Variants in DRG1 observed in about 807,000 individuals in gnomAD.
DRG1 encodes developmentally regulated GTP binding protein 1.
Under a neutral mutation model 38.8 loss-of-function variants are expected in DRG1, and 19 were observed. The observed-to-expected ratio is 0.49, with a 90% CI of 0.34 to 0.72. The LOEUF is 0.72. Ranked by LOEUF, DRG1 falls within the 30% of genes least tolerant of loss-of-function variation. The probability of loss-of-function intolerance (pLI) is 0.01; values close to 1 mark genes in which losing one functional copy is unlikely to be tolerated. For synonymous variants in DRG1, 167 were observed against 157.5 expected, an observed-to-expected ratio of 1.06 and a Z score of -0.45; for missense variants, 299 against 444.8, an observed-to-expected ratio of 0.67 and a Z score of 2.95.
Position 31,411,074 on chromosome 22 carries a change from C to A in DRG1, c.405C>A (p.Val135=). The stretch of plus-strand genomic sequence containing the variant: ...ATGGGAAAGGTAGAGGTCGTCAAGT[C>A]ATTGCAGGTGAGTGGTTTAAGTGCC... ...AKDGKGRGRQ[V]IAVARTCNLI... Residue 135 remains valine, a synonymous_variant, in exon 4 of 9, where the codon GTC becomes GTA. Coordinates refer to ENST00000331457, the MANE Select transcript of DRG1 (RefSeq NM_004147.4). 6.2e-7 allele frequency: 1 copy of A among 1,613,728 alleles called. No homozygotes were observed. The highest frequency in any genetic ancestry group is 1.1e-5 in the South Asian group (1 of 91,038).
rs577805144 is a variant in DRG1, at chr22:31,430,679, G to A, written c.1005-3193G>A. On this transcript the variant is annotated intron_variant, in intron 8 of 8. Transcript: ENST00000331457. ...CTCTCAAAGTGCTGGGATTACAGGC[G>A]TGAGCCATCATGCCCGGCCACTACA... is the stretch of plus-strand genomic sequence containing the variant. Among the ~76,000 whole-genome samples, 254 of 151,894 alleles carry A rather than the reference G, an allele frequency of 1.7e-3. 2 individuals are homozygous for A. Among genetic ancestry groups the A allele is most frequent in the African/African-American group, 5.9e-3 (246 of 41,432 alleles).
Position 31,423,387 on chromosome 22 carries a change from C to T in DRG1, c.690C>T (p.Leu230=). ...TLRSDATADD[L]IDVVEGNRVY... ...GTAGTGATGCTACAGCTGATGACCT[C>T]ATTGATGTGGTGGAAGGAAACAGGT... is the stretch of plus-strand genomic sequence containing the variant. The change falls in exon 6 of 9, where the codon CTC becomes CTT. Residue 230 remains leucine, a synonymous_variant. Coordinates refer to ENST00000331457, the MANE Select transcript of DRG1 (RefSeq NM_004147.4). The T allele has an allele frequency of 6.2e-7, 1 of 1,614,070 alleles. No homozygotes were observed. The highest frequency in any genetic ancestry group is 8.5e-7 in the Non-Finnish European group (1 of 1,180,036).
At chr22:31,419,293 ACT>A (rs1408730413) in intron 4 of DRG1, among the ~76,000 whole-genome samples, 1 of 151,646 alleles carries the variant, frequency 6.6e-6, no homozygotes, top group Non-Finnish European at 1.5e-5. Context: ...ATAGAGCGAG[ACT>A]CTGTCTCTGT....
intron 6 of DRG1, among the ~76,000 whole-genome samples, 190 bp downstream of exon 6, chr22:31,423,600 C>T (rs548654841): frequency 2.5e-4 from 37 of 146,000 alleles, no homozygotes; most frequent in Admixed American, 9.8e-4. Flanking sequence ...GATCTCAGCT[C>T]ACTGCAAGCT....
chr22:31,426,978 C>CA, intron 7 of DRG1, 82 bp from the exon 8 acceptor site: 1 of 1,582,850 alleles, frequency 6.3e-7, no homozygotes, highest in African/African-American at 1.3e-5. Context: ...GGTCTGATGT[C>CA]AGGGGTGATG....
chr22:31,420,901 AAGT>A (rs1227827814), intron 5 of DRG1, among the ~76,000 whole-genome samples: 2 of 152,216 alleles, frequency 1.3e-5, no homozygotes, highest in African/African-American at 4.8e-5. Context: ...TAAGAACACA[AAGT>A]AGGGAAAGGA....
At chr22:31,411,657 G>A (rs954917845) in intron 4 of DRG1, among the ~76,000 whole-genome samples, 2 of 151,248 alleles carry the variant, frequency 1.3e-5, no homozygotes, top group Non-Finnish European at 2.9e-5. Context: ...AGCCTCCCAG[G>A]TAGCAGGGAC....
At chr22:31,407,164 ATT>A (rs2049993466) in intron 3 of DRG1, among the ~76,000 whole-genome samples, 1 of 152,062 alleles carries the variant, frequency 6.6e-6, no homozygotes, top group Non-Finnish European at 1.5e-5. Flanking sequence ...TCCTCCATCA[ATT>A]GGTTATGGTT....
intron 3 of DRG1, among the ~76,000 whole-genome samples, chr22:31,409,007 T>G (rs1046321036): frequency 5.3e-5 from 8 of 152,162 alleles, no homozygotes; most frequent in African/African-American, 1.9e-4. Flanking sequence ...TTAGGTACAC[T>G]GAGTTCTGTG....
chr22:31,431,144 C>T lies in DRG1; in HGVS notation c.1005-2728C>T, dbSNP rs535038245. ...CCGCCTCCCGGGTTCATGCCATTCT[C>T]CTGCCTCAGCCTCCCGAGTAGCTGG... On this transcript the variant is annotated intron_variant, in intron 8 of 8. Transcript: ENST00000331457. Among the ~76,000 whole-genome samples, 13 of 149,626 alleles carry T rather than the reference C, an allele frequency of 8.7e-5. No individual in the cohort carries two copies. In the South Asian group the frequency reaches 2.8e-3, roughly 32 times the overall value.
At chr22:31,418,892 G>A (rs1192043375) in intron 4 of DRG1, among the ~76,000 whole-genome samples, 2 of 151,968 alleles carry the variant, frequency 1.3e-5, no homozygotes, top group African/African-American at 2.4e-5. Flanking sequence ...CATGTTGGCC[G>A]GGATGGTCTC....
At chr22:31,423,863 C>CT (rs71202076) in intron 6 of DRG1, among the ~76,000 whole-genome samples, 56,551 of 118,968 alleles carry the variant, frequency 0.48, 14,383 homozygotes, top group African/African-American at 0.53. Context: ...GCTTTGGTTT[C>CT]TTTTTTTTTT....
At position 31,420,297 on chromosome 22, in the gene DRG1, C is replaced by T; in HGVS notation, c.454C>T (p.Leu152=). 6.2e-7 allele frequency: 1 copy of T among 1,614,084 alleles called. No individual in the cohort carries two copies. Among genetic ancestry groups the T allele is most frequent in the Non-Finnish European group, 8.5e-7 (1 of 1,180,020 alleles). Reference sequence around the variant, plus strand: ...CTTGATCTTGATTGTTCTGGATGTCCTGAAACCTTTGGGACATAAGAAGAT... The same window carrying T: ...CTTGATCTTGATTGTTCTGGATGTCTTGAAACCTTTGGGACATAAGAAGAT... The part of the protein sequence containing the change: ...CNLILIVLDV[L]KPLGHKKIIE... Residue 152 remains leucine (L), a synonymous_variant, in exon 5 of 9, where the codon CTG becomes TTG. Transcript: ENST00000331457.
intron 3 of DRG1, among the ~76,000 whole-genome samples, chr22:31,406,630 G>A (rs1363399745): frequency 6.6e-6 from 1 of 151,342 alleles, no homozygotes; most frequent in East Asian, 1.9e-4. Flanking sequence ...AGCCGAGATC[G>A]TGTTACTGCA....
chr22:31,427,126 C>G lies in DRG1; in HGVS notation c.948C>G (p.Thr316=). Residue 316 remains threonine, a synonymous_variant, in exon 8 of 9, where the codon ACC becomes ACG. Transcript: ENST00000331457. ...TSPVVLPYSR[T]TVEDFCMKIH... ...CAGTGGTGCTTCCTTACTCCAGGACCACAGTGGAGGATTTCTGCATGAAGA... is the reference window on the plus strand; with the variant it reads ...CAGTGGTGCTTCCTTACTCCAGGACGACAGTGGAGGATTTCTGCATGAAGA... 6.2e-7 allele frequency: 1 copy of G among 1,614,100 alleles called. No homozygotes were observed. The highest frequency in any genetic ancestry group is 8.5e-7 in the Non-Finnish European group (1 of 1,180,012).
At chr22:31,405,050 A>G (rs2049981794) in intron 3 of DRG1, among the ~76,000 whole-genome samples, 1 of 152,084 alleles carries the variant, frequency 6.6e-6, no homozygotes, top group Non-Finnish European at 1.5e-5. Context: ...GAATGTTGTT[A>G]TTGAATGTTG....
chr22:31,426,520 G>C (rs979796264), intron 6 of DRG1, 95 bp from the exon 7 acceptor site: 2 of 1,066,582 alleles, frequency 1.9e-6, no homozygotes, highest in African/African-American at 3.2e-5. Flanking sequence ...TCTTGGGAGC[G>C]CCAGTTGGGT....
At chr22:31,427,979 A>AT (rs1297255115) in intron 8 of DRG1, among the ~76,000 whole-genome samples, 1 of 151,816 alleles carries the variant, frequency 6.6e-6, no homozygotes, top group Non-Finnish European at 1.5e-5. Context: ...TCAGCCCCCC[A>AT]AAGTGCTGGG....
chr22:31,409,535 C>T (rs531180831), intron 3 of DRG1, among the ~76,000 whole-genome samples: 14 of 152,070 alleles, frequency 9.2e-5, no homozygotes, highest in African/African-American at 1.4e-4. Flanking sequence ...CCAGGTGATT[C>T]GGTTGTGCCT....
Sources: gnomAD v4.1 joint callset for allele counts (sites outside exome capture counted in the v4.1 genomes callset) on GRCh38, gnomAD v4.1.1 for gene constraint, MANE v1.5 for transcripts, NCBI Gene and HGNC (gene_info 2026-07-23, HGNC 2026-07-21) for gene names.